FSIP1: variants seen among roughly 807,000 people sequenced by gnomAD.
The protein encoded by FSIP1 is fibrous sheath interacting protein 1, also known as fibrous sheath-interacting protein 1.
Under a neutral mutation model 60.9 loss-of-function variants are expected in FSIP1, and 65 were observed. The observed-to-expected ratio is 1.07, with a 90% CI of 0.87 to 1.31. The LOEUF (loss-of-function observed/expected upper bound fraction) is 1.31, where lower values mean the gene tolerates loss of function less well. Among genes scored for constraint, FSIP1 ranks in the 40% most tolerant of loss-of-function variants. The pLI, the probability that FSIP1 is intolerant of heterozygous loss-of-function variation, is 0.00. For missense variants in FSIP1, 675 were observed against 665.5 expected (o/e 1.01, Z -0.16); for synonymous variants, 209 against 221.2 (o/e 0.94, Z 0.49).
intron 11 of FSIP1, among the ~76,000 whole-genome samples, chr15:39,611,515 A>T (rs191127545): frequency 6.6e-6 from 1 of 152,204 alleles, no homozygotes; most frequent in Non-Finnish European, 1.5e-5. Context: ...TAGTTGCACA[A>T]AATATAAAAG....
At chr15:39,640,558 C>T (rs1054145399) in intron 10 of FSIP1, among the ~76,000 whole-genome samples, 2 of 152,112 alleles carry the variant, frequency 1.3e-5, no homozygotes, top group African/African-American at 2.4e-5. Context: ...GGAAAGAAAA[C>T]TTCTTTTGTT....
Position 39,726,674 on chromosome 15 carries a change from T to C in FSIP1, c.965A>G (p.Glu322Gly). The C allele has an allele frequency of 6.2e-7, 1 of 1,614,102 alleles. No individual in the cohort carries two copies. The highest frequency in any genetic ancestry group is 8.5e-7 in the Non-Finnish European group (1 of 1,179,980). Residue 322 changes from glutamate to glycine, a missense_variant, in exon 9 of 12, where the codon GAA becomes GGA. Transcript: ENST00000350221. ...GAGTTCTTGGAGTTTTATATCAATT[T>C]CAGCAAGCTGCTGATGCTGGGTGAC... ...LAVTQHQQLA[E>G]IDIKLQELSA...
intron 5 of FSIP1, among the ~76,000 whole-genome samples, chr15:39,758,621 T>C (rs1363135837): frequency 2.0e-5 from 3 of 152,114 alleles, no homozygotes; most frequent in Non-Finnish European, 1.5e-5. Flanking sequence ...ACTACGTTCA[T>C]ATACTGGTCT....
chr15:39,735,746 C>T (rs1896583682), intron 8 of FSIP1, among the ~76,000 whole-genome samples: 1 of 152,100 alleles, frequency 6.6e-6, no homozygotes, highest in East Asian at 1.9e-4. Flanking sequence ...TAGCTTAAAA[C>T]ATAAACACAG....
At chr15:39,664,306 T>G (rs1453641720) in intron 10 of FSIP1, among the ~76,000 whole-genome samples, 3 of 152,174 alleles carry the variant, frequency 2.0e-5, no homozygotes, top group Non-Finnish European at 4.4e-5. Context: ...GAATTAGAAT[T>G]AAGAAATCTG....
intron 11 of FSIP1, among the ~76,000 whole-genome samples, chr15:39,609,677 T>G (rs1890955221): frequency 6.6e-6 from 1 of 152,208 alleles, no homozygotes; most frequent in African/African-American, 2.4e-5. Flanking sequence ...ACCCAGTCGC[T>G]GAGCCCAGCA....
chr15:39,603,648 G>C (rs1330044425), intron 11 of FSIP1, among the ~76,000 whole-genome samples: 2 of 152,204 alleles, frequency 1.3e-5, no homozygotes, highest in East Asian at 3.8e-4. Flanking sequence ...GAGGAAGGTT[G>C]CCCAAAAGAA....
At position 39,677,993 on chromosome 15, in the gene FSIP1, T is replaced by C. The variant is rs572868148; in HGVS notation, c.1188+35451A>G. Among the ~76,000 whole-genome samples, 305 of 140,882 alleles carry C rather than the reference T, an allele frequency of 2.2e-3. 1 individual carries two copies. The highest frequency in any genetic ancestry group is 3.7e-3 in the Non-Finnish European group (246 of 65,826). 92.4% of individuals were successfully genotyped at this position (140,882 alleles called of 152,430 possible). Reference sequence around the variant, plus strand: ...CCTAGTGACAGAGCGAGAATTCGTCTCAAAAAAAAAAAAAAGTCTGTTTAC... The same window carrying C: ...CCTAGTGACAGAGCGAGAATTCGTCCCAAAAAAAAAAAAAAGTCTGTTTAC... On this transcript the variant is annotated intron_variant, in intron 10 of 11. Coordinates refer to ENST00000350221, the MANE Select transcript of FSIP1 (RefSeq NM_152597.5).
At chr15:39,714,490 A>G (rs551141880) in intron 9 of FSIP1, among the ~76,000 whole-genome samples, 20 of 150,582 alleles carry the variant, frequency 1.3e-4, no homozygotes, top group African/African-American at 4.9e-4. Context: ...GTCACCAGGA[A>G]TACTATCTAG....
chr15:39,603,552 T>C (rs1248068579), intron 11 of FSIP1, among the ~76,000 whole-genome samples: 1 of 152,172 alleles, frequency 6.6e-6, no homozygotes, highest in Non-Finnish European at 1.5e-5. Flanking sequence ...GATAGTTCCA[T>C]ACTGGTTATA....
chr15:39,688,734 G>A (rs1414284519), intron 10 of FSIP1, among the ~76,000 whole-genome samples: 1 of 152,104 alleles, frequency 6.6e-6, no homozygotes, highest in Non-Finnish European at 1.5e-5. Flanking sequence ...ATACATACAG[G>A]CCTATGCCCT....
intron 10 of FSIP1, among the ~76,000 whole-genome samples, chr15:39,659,783 C>T (rs1293810936): frequency 6.6e-6 from 1 of 151,894 alleles, no homozygotes; most frequent in African/African-American, 2.4e-5. Context: ...GTGTGTATAT[C>T]ACTATAACAT....
chr15:39,655,933 A>G (rs1387364924), intron 10 of FSIP1, among the ~76,000 whole-genome samples: 1 of 151,954 alleles, frequency 6.6e-6, no homozygotes, highest in East Asian at 1.9e-4. Context: ...ACATTTAACA[A>G]ATGATTAAAA....
At chr15:39,742,289 T>C (rs1289224355) in intron 5 of FSIP1, among the ~76,000 whole-genome samples, 2 of 152,180 alleles carry the variant, frequency 1.3e-5, no homozygotes, top group Non-Finnish European at 2.9e-5. Context: ...TTATTTTAGG[T>C]CCCCAAGGTG....
chr15:39,654,639 C>CAT (rs1417044640), intron 10 of FSIP1, among the ~76,000 whole-genome samples: 2 of 152,040 alleles, frequency 1.3e-5, no homozygotes, highest in African/African-American at 4.8e-5. Flanking sequence ...GAAGCAAGAG[C>CAT]ATATATTCTC....
At chr15:39,624,843 A>G (rs1201718139) in intron 10 of FSIP1, among the ~76,000 whole-genome samples, 1 of 152,228 alleles carries the variant, frequency 6.6e-6, no homozygotes, top group East Asian at 1.9e-4. Context: ...TCAAAAAGGA[A>G]GCAAATATCA....
At chr15:39,673,651 T>C (rs2140473390) in intron 10 of FSIP1, among the ~76,000 whole-genome samples, 1 of 152,338 alleles carries the variant, frequency 6.6e-6, no homozygotes, top group Admixed American at 6.5e-5. Context: ...TAATGGTCCA[T>C]GCATGGCCTG....
At chr15:39,704,246 C>T (rs553976854) in intron 10 of FSIP1, among the ~76,000 whole-genome samples, 17 of 152,192 alleles carry the variant, frequency 1.1e-4, no homozygotes, top group African/African-American at 4.1e-4. Context: ...AAACCTGTTA[C>T]AAGTGAAAAA....
intron 10 of FSIP1, among the ~76,000 whole-genome samples, chr15:39,644,623 G>C (rs1286573436): frequency 6.6e-6 from 1 of 151,980 alleles, no homozygotes; most frequent in African/African-American, 2.4e-5. Context: ...CAGAAGCTGG[G>C]ACAAATGAGC....
Sources: gnomAD v4.1 joint callset for allele counts (sites outside exome capture counted in the v4.1 genomes callset) on GRCh38, gnomAD v4.1.1 for gene constraint, MANE v1.5 for transcripts, NCBI Gene and HGNC (gene_info 2026-07-23, HGNC 2026-07-21) for gene names.